HIP1: variants seen among roughly 807,000 people sequenced by gnomAD.
The protein encoded by HIP1 is huntingtin-interacting protein 1.
HIP1 carries 65 observed loss-of-function variants against 147.6 expected under a neutral mutation model. That is an observed-to-expected ratio of 0.44 (90% CI 0.36 to 0.54). HIP1 has a LOEUF of 0.54. HIP1 is among the 20% of genes least tolerant of loss of function. The pLI, the probability that HIP1 is intolerant of heterozygous loss-of-function variation, is 0.00. For synonymous variants in HIP1, 479 were observed against 504.0 expected, an observed-to-expected ratio of 0.95 and a Z score of 0.67; for missense variants, 1,061 against 1,299.6, an observed-to-expected ratio of 0.82 and a Z score of 2.82.
At chr7:75,730,769 G>A (rs1801813337) in intron 1 of HIP1, among the ~76,000 whole-genome samples, 1 of 147,622 alleles carries the variant, frequency 6.8e-6, no homozygotes, top group Non-Finnish European at 1.5e-5. Context: ...GTCTTTCTCT[G>A]TTGCCCAGGC....
intron 1 of HIP1, among the ~76,000 whole-genome samples, chr7:75,638,573 C>T (rs1235666909): frequency 1.3e-5 from 2 of 152,148 alleles, no homozygotes; most frequent in Non-Finnish European, 2.9e-5. Context: ...TTCCTGCCCC[C>T]TCACCTCCTA....
At chr7:75,646,471 CA>C (rs1314159506) in intron 1 of HIP1, among the ~76,000 whole-genome samples, 1 of 152,260 alleles carries the variant, frequency 6.6e-6, no homozygotes, top group African/African-American at 2.4e-5. Context: ...TGCAGCGTGC[CA>C]GGGGGCATGG....
Position 75,562,081 on chromosome 7 carries a change from C to A in HIP1, c.1110G>T (p.Lys370Asn). 2 of 1,606,224 alleles carry A rather than the reference C, an allele frequency of 1.2e-6. No homozygotes were observed. Among genetic ancestry groups the A allele is most frequent in the Non-Finnish European group, 1.7e-6 (2 of 1,172,802 alleles). Residue 370 changes from lysine to asparagine, a missense_variant, in exon 12 of 31, where the codon AAG (lysine) becomes AAT (asparagine). Physicochemically the swap from Lys to Asn is moderately conservative, Grantham distance 94. Around this residue, in one of 3 missense-constraint regions of HIP1, gnomAD observed 810 missense variants for 946.8 expected, o/e 0.86. Coordinates refer to ENST00000336926, the MANE Select transcript of HIP1 (RefSeq NM_005338.7). ...FNFNSQNGVN[K>N]DEKDHLIERL... Reference sequence around the variant, plus strand: ...ACCCAGCTTGGACTCACTTCTCATCCTTGTTCACACCATTTTGACTGTTGA... The same window carrying A: ...ACCCAGCTTGGACTCACTTCTCATCATTGTTCACACCATTTTGACTGTTGA...
At chr7:75,660,462 G>A (rs981737478) in intron 1 of HIP1, among the ~76,000 whole-genome samples, 1 of 152,128 alleles carries the variant, frequency 6.6e-6, no homozygotes, top group Non-Finnish European at 1.5e-5. Flanking sequence ...ACGAGGCAGA[G>A]GTTGCAGTGA....
chr7:75,551,923 C>G (rs1217464100), intron 22 of HIP1, among the ~76,000 whole-genome samples: 2 of 151,912 alleles, frequency 1.3e-5, no homozygotes, highest in African/African-American at 4.8e-5. Flanking sequence ...GAGTTTCGCT[C>G]CTGTTGCCCA....
chr7:75,623,548 T>A (rs1797931770), intron 1 of HIP1, among the ~76,000 whole-genome samples: 1 of 152,098 alleles, frequency 6.6e-6, no homozygotes, highest in African/African-American at 2.4e-5. Flanking sequence ...TTTTCACAGA[T>A]CGTCTCTCTT....
intron 1 of HIP1, among the ~76,000 whole-genome samples, chr7:75,697,016 TTC>T (rs1800662593): frequency 6.6e-6 from 1 of 152,056 alleles, no homozygotes; most frequent in South Asian, 2.1e-4. Flanking sequence ...GGTTTGATTT[TTC>T]TCTTCTTGAA....
Position 75,578,960 on chromosome 7 carries a change from C to A in HIP1, c.604+2277G>T, listed in dbSNP as rs1309429067. 3.3e-5 allele frequency among the ~76,000 whole-genome samples: 5 copies of A among 151,662 alleles called. No individual in the cohort carries two copies. In the East Asian group the frequency reaches 9.8e-4, roughly 30 times the overall value. On this transcript the variant is annotated intron_variant, in intron 7 of 30. Coordinates refer to ENST00000336926, the MANE Select transcript of HIP1 (RefSeq NM_005338.7). ...CCATCTGAGTAGCTGGGATTACAGGCACACACCATCAATCACGCCTGGCTA... is the reference window on the plus strand; with the variant it reads ...CCATCTGAGTAGCTGGGATTACAGGAACACACCATCAATCACGCCTGGCTA...
intron 1 of HIP1, among the ~76,000 whole-genome samples, chr7:75,661,753 C>T (rs1799324973): frequency 6.6e-6 from 1 of 151,742 alleles, no homozygotes; most frequent in East Asian, 2.0e-4. Flanking sequence ...GGGGCAGCTA[C>T]AGCAGAGTAA....
intron 1 of HIP1, among the ~76,000 whole-genome samples, chr7:75,664,285 CATATATGTATGTAT>C (rs1338033880): frequency 4.4e-5 from 6 of 136,608 alleles, no homozygotes; most frequent in South Asian, 2.3e-4. Context: ...TATATACACA[CATATATGTATGTAT>C]ATATGTATGT....
intron 1 of HIP1, among the ~76,000 whole-genome samples, chr7:75,640,736 G>A (rs1798621882): frequency 1.4e-5 from 2 of 148,058 alleles, no homozygotes; most frequent in Admixed American, 1.4e-4. Context: ...CTGGATGACA[G>A]AAGGAGACTC....
intron 1 of HIP1, among the ~76,000 whole-genome samples, chr7:75,737,252 G>C (rs2079203): frequency 0.1 from 15,846 of 152,000 alleles, 1,059 homozygotes; most frequent in Middle Eastern, 0.18. Context: ...TGTAGAGACA[G>C]GGTCGCACTA....
chr7:75,542,444 C>A (rs930919464), intron 28 of HIP1, among the ~76,000 whole-genome samples: 3 of 150,736 alleles, frequency 2.0e-5, no homozygotes, highest in Admixed American at 6.6e-5. Flanking sequence ...CACCTATAAT[C>A]CCAGCAAACT....
chr7:75,644,558 G>T (rs1256434446), intron 1 of HIP1, among the ~76,000 whole-genome samples: 4 of 152,112 alleles, frequency 2.6e-5, no homozygotes, highest in Admixed American at 2.6e-4. Flanking sequence ...GCCTCCCAAA[G>T]TGCTGGGATT....
chr7:75,604,491 T>C (rs1478231206), intron 1 of HIP1, among the ~76,000 whole-genome samples: 1 of 152,000 alleles, frequency 6.6e-6, no homozygotes, highest in African/African-American at 2.4e-5. Flanking sequence ...CTGGGCAACA[T>C]AGTGAGACCT....
In HIP1 at chr7:75,556,641, G is replaced by A. The variant is rs371292897; in HGVS notation, c.1683+69C>T. 6.7e-4 allele frequency: 667 copies of A among 988,196 alleles called. 4 individuals are homozygous for A. In the African/African-American group the frequency reaches 9.6e-3, roughly 14 times the overall value. The allele number at this position is 988,196 out of a possible 1,614,324, so 61.2% of individuals were successfully genotyped here. ...GTGGAGGCTGCAGTGAGCTGCGATC[G>A]CACCACTGCATTCCAACCTGAGTGA... On this transcript the variant is annotated intron_variant, in intron 17 of 30. Coordinates refer to ENST00000336926, the MANE Select transcript of HIP1 (RefSeq NM_005338.7).
At chr7:75,611,596 C>A in intron 1 of HIP1, 1 of 854,000 alleles carries the variant, frequency 1.2e-6, no homozygotes, top group Non-Finnish European at 1.4e-6. Flanking sequence ...TGTTCCCGCC[C>A]CGCCACAGGC....
intron 1 of HIP1, among the ~76,000 whole-genome samples, chr7:75,714,689 G>T (rs1801264072): frequency 6.6e-6 from 1 of 152,012 alleles, no homozygotes; most frequent in South Asian, 2.1e-4. Context: ...CTAACCTTAG[G>T]TAATCCACCT....
At position 75,542,395 on chromosome 7, in the gene HIP1, T is replaced by TA. The variant is rs1332678229; in HGVS notation, c.2891-416dup. Among the ~76,000 whole-genome samples the TA allele has an allele frequency of 3.5e-5, 5 of 143,686 alleles. No homozygotes were observed. The East Asian group carries it at 8.3e-4, about 24-fold the overall frequency. The allele number at this position is 143,686 out of a possible 152,430, so 94.3% of individuals were successfully genotyped here. The stretch of plus-strand genomic sequence containing the variant: ...TGGGCAACAAGAGAAAGACTCCATC[T>TA]AAAAAAAAGAAAAAAAAATGGCAGG... On this transcript the variant is annotated intron_variant, in intron 28 of 30. Coordinates refer to ENST00000336926, the MANE Select transcript of HIP1 (RefSeq NM_005338.7).
Sources: gnomAD v4.1 joint callset for allele counts (sites outside exome capture counted in the v4.1 genomes callset) on GRCh38, gnomAD v4.1.1 for gene constraint, gnomAD v4.1.1 regional missense constraint, MANE v1.5 for transcripts, NCBI Gene and HGNC (gene_info 2026-07-23, HGNC 2026-07-21) for gene names.